ABCA9: variants seen among roughly 807,000 people sequenced by gnomAD.
The protein encoded by ABCA9 is ATP-binding cassette sub-family A member 9.
ABCA9 carries 183 observed loss-of-function variants against 205.3 expected under a neutral mutation model. The ratio of observed to expected loss-of-function variants is 0.89; its 90% CI spans 0.79 to 1.01. The LOEUF (loss-of-function observed/expected upper bound fraction) is 1.01, where lower values mean the gene tolerates loss of function less well. ABCA9 is among the 50% of genes least tolerant of loss of function. ABCA9 has a pLI of 0.00. For missense variants in ABCA9, 1,805 were observed against 1,912.4 expected, an observed-to-expected ratio of 0.94 and a Z score of 1.05; for synonymous variants, 651 against 683.3, an observed-to-expected ratio of 0.95 and a Z score of 0.74.
At chr17:69,060,131 T>A (rs1598423602) in intron 1 of ABCA9, among the ~76,000 whole-genome samples, 2 of 152,172 alleles carry the variant, frequency 1.3e-5, no homozygotes, top group East Asian at 1.9e-4. Context: ...CTCTGAGCGT[T>A]AAGACTGATT....
At chr17:69,062,374 T>G (rs947221168), upstream of ABCA9, among the ~76,000 whole-genome samples, 10 of 152,080 alleles carry the variant, frequency 6.6e-5, no homozygotes, top group Non-Finnish European at 1.5e-4. Flanking sequence ...GATTTTGACT[T>G]TCGGTTCTAA....
At chr17:69,077,332 T>C in the ABCA9 span, among the ~76,000 whole-genome samples, 1 of 152,152 alleles carries the variant, frequency 6.6e-6, no homozygotes, top group Non-Finnish European at 1.5e-5. Context: ...GAGATCTTCT[T>C]GGTATTGCTA....
chr17:69,018,630 G>T, intron 19 of ABCA9, 51 bp from the exon 20 acceptor site: 1 of 1,400,564 alleles, frequency 7.1e-7, no homozygotes, highest in Non-Finnish European at 9.7e-7. Context: ...AACTTTTGTG[G>T]GTTTTTAAGT....
intron 22 of ABCA9, among the ~76,000 whole-genome samples, chr17:69,013,212 T>C (rs1471378602): frequency 6.6e-6 from 1 of 152,178 alleles, no homozygotes; most frequent in Non-Finnish European, 1.5e-5. Context: ...ATATACTTAT[T>C]TCCTTTTGTG....
chr17:69,038,651 C>G (rs1414729076), intron 6 of ABCA9, among the ~76,000 whole-genome samples: 1 of 152,068 alleles, frequency 6.6e-6, no homozygotes, highest in Non-Finnish European at 1.5e-5. Flanking sequence ...CTTTGAAAAC[C>G]AGCACAAGAC....
At chr17:69,025,945 T>C (rs1216453764) in intron 16 of ABCA9, among the ~76,000 whole-genome samples, 2 of 151,856 alleles carry the variant, frequency 1.3e-5, no homozygotes, top group African/African-American at 4.8e-5. Flanking sequence ...TAAAAAGTAG[T>C]AGACATTACT....
intron 17 of ABCA9, 92 bp downstream of exon 17, chr17:69,024,122 G>T: frequency 7.3e-7 from 1 of 1,370,864 alleles, no homozygotes. Flanking sequence ...CATTCATCTA[G>T]CAAGCATTAA....
At chr17:69,062,994 T>C (rs2072294077), upstream of ABCA9, among the ~76,000 whole-genome samples, 2 of 152,086 alleles carry the variant, frequency 1.3e-5, no homozygotes, top group Admixed American at 1.3e-4. Flanking sequence ...CACAGAATAA[T>C]CCCATGAGGT....
intron 8 of ABCA9, among the ~76,000 whole-genome samples, chr17:69,034,247 G>T (rs1416431988): frequency 6.6e-6 from 1 of 151,998 alleles, no homozygotes; most frequent in East Asian, 1.9e-4. Context: ...TTTGAGACAG[G>T]GTCTCACTCT....
rs752656262 is a variant in ABCA9 at position 69,035,602 on chromosome 17, A to C, written c.942+58T>G. ...GTGAGACCAGAATTAGTGATAAATTATTGGCAGTAGAGAGAGAGAAAGAGA... is the reference window on the plus strand; with the variant it reads ...GTGAGACCAGAATTAGTGATAAATTCTTGGCAGTAGAGAGAGAGAAAGAGA... On this transcript the variant is annotated intron_variant, in intron 7 of 38. Coordinates refer to ENST00000340001, the MANE Select transcript of ABCA9 (RefSeq NM_080283.4). 33 of 1,583,666 alleles carry C rather than the reference A, an allele frequency of 2.1e-5. No individual in the cohort carries two copies. The highest frequency in any genetic ancestry group is 2.8e-5 in the Non-Finnish European group (32 of 1,163,154).
At chr17:68,995,812 T>A in intron 26 of ABCA9, 83 bp downstream of exon 26, 1 of 1,537,482 alleles carries the variant, frequency 6.5e-7, no homozygotes, top group East Asian at 2.3e-5. Flanking sequence ...AGCTGAGGAC[T>A]CTATCTATAT....
At position 68,974,789 on chromosome 17, in the gene ABCA9, A is replaced by ATGTT. The variant is rs2068858269; in HGVS notation, c.*1122_*1125dup. The ATGTT allele has an allele frequency of 6.6e-6, 1 of 152,190 alleles. No homozygotes were observed. Among genetic ancestry groups the ATGTT allele is most frequent in the Non-Finnish European group, 1.5e-5 (1 of 68,030 alleles). The allele number at this position is 152,190 out of a possible 1,614,324, so 9.4% of individuals were successfully genotyped here. On this transcript the variant is annotated 3_prime_UTR_variant, in exon 39 of 39. Coordinates refer to ENST00000340001, the MANE Select transcript of ABCA9 (RefSeq NM_080283.4). Reference sequence around the variant, plus strand: ...TAAGAAAACATATAAAAACAGAAATATGTTTCAAACTTGTGTATAACATAT... The same window carrying ATGTT: ...TAAGAAAACATATAAAAACAGAAATATGTTTGTTTCAAACTTGTGTATAACATAT...
the ABCA9 span, among the ~76,000 whole-genome samples, chr17:69,077,249 G>A: frequency 4.6e-5 from 7 of 151,716 alleles, no homozygotes; most frequent in Non-Finnish European, 1.0e-4. Context: ...TTTAATTTCT[G>A]CCTTAATTTC....
intron 37 of ABCA9, 46 bp from the exon 38 acceptor site, chr17:68,976,236 G>T: frequency 6.5e-7 from 1 of 1,548,126 alleles, no homozygotes; most frequent in South Asian, 1.1e-5. Flanking sequence ...TTTTTTTTCA[G>T]TGAGTTTTAC....
the ABCA9 span, among the ~76,000 whole-genome samples, chr17:69,067,601 AAAAG>A: frequency 0.47 from 68,519 of 146,962 alleles, 17,674 homozygotes; most frequent in Non-Finnish European, 0.59. Flanking sequence ...AGAGAAAGAA[AAAAG>A]AAAGAAAGAA....
At chr17:69,066,098 C>T in the ABCA9 span, among the ~76,000 whole-genome samples, 2 of 152,210 alleles carry the variant, frequency 1.3e-5, no homozygotes, top group East Asian at 1.9e-4. Flanking sequence ...AACGTGAGAA[C>T]GAACTGATAC....
chr17:69,056,044 A>G (rs899644664), intron 1 of ABCA9, among the ~76,000 whole-genome samples: 1 of 152,222 alleles, frequency 6.6e-6, no homozygotes, highest in Non-Finnish European at 1.5e-5. Context: ...ACAGCATCCA[A>G]TGCATACATT....
At position 68,989,366 on chromosome 17, in the gene ABCA9, C is replaced by T. The variant is rs551576633; in HGVS notation, c.3956-248G>A. 2.0e-5 allele frequency among the ~76,000 whole-genome samples: 3 copies of T among 151,724 alleles called. No homozygotes were observed. The South Asian group carries it at 6.3e-4, about 32-fold the overall frequency. ...GACTTAAAGAGGATAAATAAGTTGC[C>T]CCATGTCATACAGACAGTAAGAGGC... On this transcript the variant is annotated intron_variant, in intron 30 of 38. Coordinates refer to ENST00000340001, the MANE Select transcript of ABCA9 (RefSeq NM_080283.4).
At chr17:69,046,299 G>A (rs1017083830) in intron 3 of ABCA9, among the ~76,000 whole-genome samples, 28 of 152,206 alleles carry the variant, frequency 1.8e-4, no homozygotes, top group African/African-American at 6.5e-4. Flanking sequence ...CCATATAAGC[G>A]CACCCTCCTG....
Sources: allele counts gnomAD v4.1 joint callset (sites outside exome capture counted in the v4.1 genomes callset), GRCh38; gene constraint gnomAD v4.1.1; transcripts MANE v1.5; gene names NCBI Gene and HGNC (gene_info 2026-07-23, HGNC 2026-07-21).